Variants in ZNF273 observed in about 807,000 individuals in gnomAD.
ZNF273 encodes zinc finger protein 9.
Under a neutral mutation model 14.9 loss-of-function variants are expected in ZNF273, and 11 were observed. That is an observed-to-expected ratio of 0.74 (90% CI 0.46 to 1.22). ZNF273 has a LOEUF of 1.22. Among genes scored for constraint, ZNF273 ranks in the 50% most tolerant of loss-of-function variants. The probability of loss-of-function intolerance (pLI) is 0.00; values close to 1 mark genes in which losing one functional copy is unlikely to be tolerated. For synonymous variants in ZNF273, 199 were observed against 223.9 expected, an observed-to-expected ratio of 0.89 and a Z score of 0.99; for missense variants, 577 against 660.6, an observed-to-expected ratio of 0.87 and a Z score of 1.39.
rs374186255 is a variant in ZNF273, at chr7:64,929,208, ATATCT to A, written c.*173_*177del. ...ATGGAAAAGTCATTAATATCTGCTCATATCTTAACATCAGCGAGTTGGTATTTAAT... is the reference window on the plus strand; with the variant it reads ...ATGGAAAAGTCATTAATATCTGCTCATAACATCAGCGAGTTGGTATTTAAT... On this transcript the variant is annotated 3_prime_UTR_variant, in exon 4 of 4. Transcript: ENST00000476120. 406 of 466,198 alleles carry A rather than the reference ATATCT, an allele frequency of 8.7e-4. 1 individual carries two copies. The highest frequency in any genetic ancestry group is 6.9e-3 in the African/African-American group (346 of 50,176). 28.9% of individuals were successfully genotyped at this position (466,198 alleles called of 1,614,324 possible). A position where few individuals can be genotyped will look rare whatever the true frequency, so the allele number is the denominator to read the frequency against.
chr7:64,879,939 A>G (rs1481072569), downstream of ZNF273: 1 of 152,264 alleles, frequency 6.6e-6, no homozygotes, highest in Non-Finnish European at 1.5e-5. Context: ...TCCTGAGACC[A>G]GGCAGGCTCT....
intron 3 of ZNF273, chr7:64,897,312 A>G (rs1002502419): frequency 6.6e-6 from 1 of 152,196 alleles, no homozygotes; most frequent in Non-Finnish European, 1.5e-5. Context: ...GTCTCTCATA[A>G]AAAGCTAATG....
At chr7:64,904,716 T>A (rs1792969562) in intron 1 of ZNF273, among the ~76,000 whole-genome samples, 1 of 152,262 alleles carries the variant, frequency 6.6e-6, no homozygotes, top group Non-Finnish European at 1.5e-5. Context: ...GATAGCACTT[T>A]AGAAAAATTT....
intron 3 of ZNF273, among the ~76,000 whole-genome samples, chr7:64,896,061 C>T (rs1267306940): frequency 6.7e-6 from 1 of 150,138 alleles, no homozygotes; most frequent in East Asian, 2.0e-4. Context: ...CCAATAATTG[C>T]CTATATATGT....
chr7:64,912,826 G>GTTTTTTGTTGT, intron 1 of ZNF273, among the ~76,000 whole-genome samples: 453 of 36,578 alleles, frequency 0.012, 49 homozygotes, highest in African/African-American at 0.034. Context: ...ATTCATTTTA[G>GTTTTTTGTTGT]TTTTTTTTTT....
At chr7:64,923,452 C>T (rs958463486) in intron 3 of ZNF273, 5 of 440,916 alleles carry the variant, frequency 1.1e-5, no homozygotes, top group South Asian at 6.5e-5. Context: ...AGTGATTCTA[C>T]TGCCTCAGCC....
upstream of ZNF273, among the ~76,000 whole-genome samples, chr7:64,901,240 T>G (rs1792695397): frequency 6.6e-6 from 1 of 152,116 alleles, no homozygotes; most frequent in South Asian, 2.1e-4. Context: ...TGACCTCAGG[T>G]GATCTACCTG....
chr7:64,882,213 A>AC (rs1044294301), downstream of ZNF273, among the ~76,000 whole-genome samples: 1 of 151,698 alleles, frequency 6.6e-6, no homozygotes, highest in Non-Finnish European at 1.5e-5. Context: ...TGCATTCCCA[A>AC]CCCCCTGGGA....
chr7:64,894,823 C>A (rs1403693191), downstream of ZNF273, among the ~76,000 whole-genome samples: 1 of 152,074 alleles, frequency 6.6e-6, no homozygotes, highest in Non-Finnish European at 1.5e-5. Flanking sequence ...TTAGGTTTTA[C>A]TTAGTAGTTA....
At chr7:64,887,137 G>A (rs1313154561) in intron 1 of ZNF273, among the ~76,000 whole-genome samples, 1 of 152,218 alleles carries the variant, frequency 6.6e-6, no homozygotes, top group Non-Finnish European at 1.5e-5. Flanking sequence ...GTCTCATGTG[G>A]ATCAAATCCC....
chr7:64,900,774 C>T (rs1792660481), upstream of ZNF273, among the ~76,000 whole-genome samples: 2 of 152,292 alleles, frequency 1.3e-5, no homozygotes, highest in Admixed American at 6.5e-5. Context: ...TCTTTCATAC[C>T]CTATGTACAT....
chr7:64,885,974 GA>G (rs1791550903), intron 1 of ZNF273, among the ~76,000 whole-genome samples: 1 of 152,246 alleles, frequency 6.6e-6, no homozygotes, highest in Non-Finnish European at 1.5e-5. Context: ...ACTGAGCTCA[GA>G]AAAGACTGCA....
intron 3 of ZNF273, among the ~76,000 whole-genome samples, chr7:64,896,779 C>A (rs1428854884): frequency 6.6e-6 from 1 of 151,506 alleles, no homozygotes. Context: ...ATGTAACAAT[C>A]ATAAGTTATA....
At chr7:64,904,835 C>T (rs1792978307) in intron 1 of ZNF273, among the ~76,000 whole-genome samples, 1 of 152,120 alleles carries the variant, frequency 6.6e-6, no homozygotes, top group Non-Finnish European at 1.5e-5. Context: ...TCCCTAGGCA[C>T]AGAGATCTTA....
chr7:64,920,762 A>G lies in ZNF273; in HGVS notation c.325+2470A>G, dbSNP rs1794380302. On this transcript the variant is annotated intron_variant, in intron 3 of 3. Transcript: ENST00000476120. ...TCCCTGGATCTCAAAGATTCTTTAA[A>G]GGCACTTATTTTGAAGATGGGGTGT... is the stretch of plus-strand genomic sequence containing the variant. Among the ~76,000 whole-genome samples, 4 of 152,150 alleles carry G rather than the reference A, an allele frequency of 2.6e-5. 1 individual carries two copies. The highest frequency in any genetic ancestry group is 9.7e-5 in the African/African-American group (4 of 41,432).
At chr7:64,891,645 C>T (rs1477713229), downstream of ZNF273, among the ~76,000 whole-genome samples, 2 of 152,216 alleles carry the variant, frequency 1.3e-5, no homozygotes, top group Non-Finnish European at 2.9e-5. Context: ...ATTTCTGCTT[C>T]AAGTGGGTAG....
rs1794963027 is a variant in ZNF273, at chr7:64,930,374, G to A, written c.*1336G>A. 1 of 152,180 alleles carries A rather than the reference G, an allele frequency of 6.6e-6. No individual in the cohort carries two copies. Among genetic ancestry groups the A allele is most frequent in the South Asian group, 2.1e-4 (1 of 4,828 alleles). 9.4% of individuals were successfully genotyped at this position (152,180 alleles called of 1,614,324 possible). A position where few individuals can be genotyped will look rare whatever the true frequency, so the allele number is the denominator to read the frequency against. ...CTGATAATATTGAGTGATGCATGAG[G>A]TAGGTGTTCAGAGTAATATTCTGCA... On this transcript the variant is annotated 3_prime_UTR_variant, in exon 4 of 4. Coordinates refer to ENST00000476120, the MANE Select transcript of ZNF273 (RefSeq NM_021148.3).
At chr7:64,905,267 C>G (rs1468130707) in intron 1 of ZNF273, among the ~76,000 whole-genome samples, 1 of 151,560 alleles carries the variant, frequency 6.6e-6, no homozygotes, top group South Asian at 2.1e-4. Context: ...AAGTGCACGC[C>G]GACACACCTG....
At chr7:64,917,464 G>T in intron 1 of ZNF273, 117 bp from the exon 2 acceptor site, 1 of 1,431,760 alleles carries the variant, frequency 7.0e-7, no homozygotes, top group East Asian at 2.7e-5. Context: ...GATAATTTTA[G>T]TCACTCCTAT....
Sources: allele counts gnomAD v4.1 joint callset (sites outside exome capture counted in the v4.1 genomes callset), GRCh38; gene constraint gnomAD v4.1.1; transcripts MANE v1.5; gene names NCBI Gene and HGNC (gene_info 2026-07-23, HGNC 2026-07-21).